Variants in GRAMD1B observed in about 807,000 individuals in gnomAD.
GRAMD1B encodes the protein GRAM domain containing 1B.
Under a neutral mutation model 99.7 loss-of-function variants are expected in GRAMD1B, and 37 were observed. The observed-to-expected ratio is 0.37, with a 90% CI of 0.29 to 0.49. The LOEUF (loss-of-function observed/expected upper bound fraction) is 0.49, where lower values mean the gene tolerates loss of function less well. GRAMD1B is among the 20% of genes least tolerant of loss of function. The pLI, the probability that GRAMD1B is intolerant of heterozygous loss-of-function variation, is 0.98. For synonymous variants in GRAMD1B, 427 were observed against 387.6 expected, an observed-to-expected ratio of 1.10 and a Z score of -1.19; for missense variants, 888 against 1,009.2, an observed-to-expected ratio of 0.88 and a Z score of 1.63.
At chr11:123,496,496 A>G (rs935829174) in intron 2 of GRAMD1B, among the ~76,000 whole-genome samples, 1 of 151,876 alleles carries the variant, frequency 6.6e-6, no homozygotes, top group African/African-American at 2.4e-5. Context: ...CAATATTGAT[A>G]TCTTTCTCTA....
chr11:123,593,573 C>T (rs370804469), intron 4 of GRAMD1B, among the ~76,000 whole-genome samples: 1 of 152,106 alleles, frequency 6.6e-6, no homozygotes, highest in East Asian at 1.9e-4. Context: ...TATTGCAGTA[C>T]TGGTTTTATG....
intron 8 of GRAMD1B, among the ~76,000 whole-genome samples, chr11:123,602,048 GT>G (rs1229238928): frequency 6.6e-6 from 1 of 152,160 alleles, no homozygotes; most frequent in Non-Finnish European, 1.5e-5. Context: ...CCCAGGCAGG[GT>G]GGATGTTGCA....
chr11:123,393,943 CA>C (rs1456277372), intron 1 of GRAMD1B, among the ~76,000 whole-genome samples: 1 of 152,166 alleles, frequency 6.6e-6, no homozygotes, highest in Non-Finnish European at 1.5e-5. Flanking sequence ...TCTTCAATTT[CA>C]TTCTCTTTCC....
chr11:123,383,537 G>A (rs1315014688), intron 1 of GRAMD1B, among the ~76,000 whole-genome samples: 1 of 152,134 alleles, frequency 6.6e-6, no homozygotes, highest in Admixed American at 6.6e-5. Flanking sequence ...GTTCATTCAT[G>A]TTAAGTGTTC....
At position 123,365,567 on chromosome 11, in the gene GRAMD1B, A is replaced by G. The variant is rs1310954922; in HGVS notation, c.-176+6768A>G. The stretch of plus-strand genomic sequence containing the variant: ...ATGCCTGGCCTACCCTACATTTTCA[A>G]TGCCATCTTTTTCTCATAACTTTTC... On this transcript the variant is annotated intron_variant, in intron 1 of 20. Transcript: ENST00000638157. Among the ~76,000 whole-genome samples the G allele has an allele frequency of 7.2e-5, 11 of 152,134 alleles. No individual in the cohort carries two copies. In the East Asian group the frequency reaches 2.1e-3, roughly 29 times the overall value.
intron 1 of GRAMD1B, among the ~76,000 whole-genome samples, chr11:123,468,640 A>G (rs1239373033): frequency 6.6e-6 from 1 of 151,914 alleles, no homozygotes; most frequent in Non-Finnish European, 1.5e-5. Context: ...CAAAAAATAC[A>G]AAAATCAGCC....
chr11:123,593,931 C>T (rs1437446554), intron 4 of GRAMD1B, 151 bp from the exon 5 acceptor site: 15 of 631,586 alleles, frequency 2.4e-5, no homozygotes, highest in African/African-American at 1.3e-4. Context: ...ACCGAGGCGC[C>T]GTTCCTCAGC....
At chr11:123,394,957 A>C (rs1565470984) in intron 1 of GRAMD1B, among the ~76,000 whole-genome samples, 1 of 152,138 alleles carries the variant, frequency 6.6e-6, no homozygotes, top group Non-Finnish European at 1.5e-5. Context: ...TTTTATACCA[A>C]TCCCACCCAT....
intron 2 of GRAMD1B, among the ~76,000 whole-genome samples, chr11:123,513,515 T>TTTCTTTCCTTCCTTCCTTCC (rs1416992242): frequency 1.4e-5 from 2 of 144,836 alleles, no homozygotes; most frequent in African/African-American, 5.5e-5. Flanking sequence ...TCTTTCTTTC[T>TTTCTTTCCTTCCTTCCTTCC]TTCCTTCCTT....
At chr11:123,388,012 G>C (rs1044825953) in intron 1 of GRAMD1B, among the ~76,000 whole-genome samples, 9 of 151,494 alleles carry the variant, frequency 5.9e-5, no homozygotes, top group African/African-American at 7.3e-5. Context: ...TGTAATCCCA[G>C]CTACTTGGGA....
chr11:123,482,985 G>A (rs12798553), intron 2 of GRAMD1B, among the ~76,000 whole-genome samples: 26,079 of 151,766 alleles, frequency 0.17, 2,754 homozygotes, highest in Admixed American at 0.25. Flanking sequence ...GAACCCAGGA[G>A]GTGGAGGTTG....
At chr11:123,573,854 A>T (rs1401461781) in intron 2 of GRAMD1B, among the ~76,000 whole-genome samples, 1 of 152,130 alleles carries the variant, frequency 6.6e-6, no homozygotes, top group Non-Finnish European at 1.5e-5. Context: ...CAAGGGTATG[A>T]AGACTGTCAC....
At chr11:123,399,163 A>G (rs1053622010) in intron 1 of GRAMD1B, among the ~76,000 whole-genome samples, 1 of 152,178 alleles carries the variant, frequency 6.6e-6, no homozygotes, top group African/African-American at 2.4e-5. Flanking sequence ...TAGATTCCAT[A>G]TATAAGTGAG....
At chr11:123,442,388 T>A (rs1338955828) in intron 1 of GRAMD1B, among the ~76,000 whole-genome samples, 1 of 152,208 alleles carries the variant, frequency 6.6e-6, no homozygotes, top group African/African-American at 2.4e-5. Flanking sequence ...GGGGTCCCAT[T>A]CCAGACCCAA....
In GRAMD1B at chr11:123,578,174, C is replaced by T. The variant is rs535615170; in HGVS notation, c.663+597C>T. ...GGGGGCCTGGGCTAATTATGGTTCCCCAGAGATGTCTTCCCCACCCTCGGT... is the reference window on the plus strand; with the variant it reads ...GGGGGCCTGGGCTAATTATGGTTCCTCAGAGATGTCTTCCCCACCCTCGGT... On this transcript the variant is annotated intron_variant, in intron 3 of 19. Transcript: ENST00000635736. 2.6e-5 allele frequency among the ~76,000 whole-genome samples: 4 copies of T among 152,192 alleles called. No individual in the cohort carries two copies. In the East Asian group the frequency reaches 7.8e-4, roughly 30 times the overall value.
At chr11:123,495,678 C>CTTTTTTTTTTTTTTGTTTTTTTTTTTTT (rs1939167280) in intron 2 of GRAMD1B, among the ~76,000 whole-genome samples, 1 of 114,410 alleles carries the variant, frequency 8.7e-6, no homozygotes, top group African/African-American at 3.2e-5. Flanking sequence ...CTTTCTTCTT[C>CTTTTTTTTTTTTTTGTTTTTTTTTTTTT]TTTTTTTTTT....
chr11:123,430,535 C>T lies in GRAMD1B; in HGVS notation c.-258C>T. The stretch of plus-strand genomic sequence containing the variant: ...GCTGCCGAGTGGCTGGCAGGCGGCT[C>T]CCGCCCCTCCCGGGTGGCCTCGCCG... On this transcript the variant is annotated 5_prime_UTR_variant, in exon 1 of 20. Coordinates refer to ENST00000635736, the MANE Select transcript of GRAMD1B (RefSeq NM_001387025.1). The T allele has an allele frequency of 9.0e-6, 4 of 444,696 alleles. No homozygotes were observed. The highest frequency in any genetic ancestry group is 1.6e-5 in the Non-Finnish European group (4 of 252,720). 27.5% of individuals were successfully genotyped at this position (444,696 alleles called of 1,614,324 possible).
At chr11:123,616,319 C>G (rs1954381383) in intron 17 of GRAMD1B, among the ~76,000 whole-genome samples, 1 of 152,124 alleles carries the variant, frequency 6.6e-6, no homozygotes, top group African/African-American at 2.4e-5. Context: ...GAGACTCCAT[C>G]TCAATAAATA....
At chr11:123,582,450 T>C (rs1949462272) in intron 3 of GRAMD1B, among the ~76,000 whole-genome samples, 1 of 152,208 alleles carries the variant, frequency 6.6e-6, no homozygotes, top group South Asian at 2.1e-4. Context: ...GAGGTGGGGA[T>C]GAGGCTAAGA....
Sources: allele counts gnomAD v4.1 joint callset (sites outside exome capture counted in the v4.1 genomes callset), GRCh38; gene constraint gnomAD v4.1.1; transcripts MANE v1.5; gene names NCBI Gene and HGNC (gene_info 2026-07-23, HGNC 2026-07-21).